Variants in CACNB4 observed in about 807,000 individuals in gnomAD.
CACNB4 encodes the protein voltage-dependent L-type calcium channel subunit beta-4.
A neutral mutation model predicts 71.2 loss-of-function variants in CACNB4; 32 were observed. That is an observed-to-expected ratio of 0.45 (90% CI 0.34 to 0.60). CACNB4 has a LOEUF of 0.60. CACNB4 is among the 20% of genes least tolerant of loss of function. The probability of loss-of-function intolerance (pLI) is 0.01; values close to 1 mark genes in which losing one functional copy is unlikely to be tolerated. For missense variants in CACNB4, 464 were observed against 647.9 expected (o/e 0.72, Z 3.08); for synonymous variants, 231 against 236.9 (o/e 0.97, Z 0.23).
At chr2:151,947,352 G>C (rs1249502365) in intron 2 of CACNB4, among the ~76,000 whole-genome samples, 1 of 152,116 alleles carries the variant, frequency 6.6e-6, no homozygotes, top group Non-Finnish European at 1.5e-5. Context: ...GAATCACGTG[G>C]GGTACTTATT....
chr2:151,895,074 T>C (rs1356280037), intron 2 of CACNB4, among the ~76,000 whole-genome samples: 1 of 146,612 alleles, frequency 6.8e-6, no homozygotes, highest in African/African-American at 2.6e-5. Context: ...AAAATTCATA[T>C]GGAACCAGAA....
chr2:151,983,329 T>C (rs1467158229), intron 2 of CACNB4, among the ~76,000 whole-genome samples: 3 of 152,216 alleles, frequency 2.0e-5, no homozygotes, highest in South Asian at 2.1e-4. Context: ...GGATTTTTGA[T>C]ATAATTTCTC....
At chr2:151,983,675 T>TCTCACACACACACACACACA (rs35313966) in intron 2 of CACNB4, among the ~76,000 whole-genome samples, 7 of 141,540 alleles carry the variant, frequency 4.9e-5, no homozygotes, top group Admixed American at 2.7e-4. Flanking sequence ...TAAACTTTGG[T>TCTCACACACACACACACACA]CACACACACA....
At chr2:151,853,380 G>GA in intron 12 of CACNB4, 68 bp downstream of exon 12, 1 of 840,920 alleles carries the variant, frequency 1.2e-6, no homozygotes, top group Middle Eastern at 2.2e-4. Flanking sequence ...ACAACAATAT[G>GA]AAGAAAAAAA....
chr2:151,991,106 T>C (rs13432920), intron 2 of CACNB4, among the ~76,000 whole-genome samples: 33,612 of 152,140 alleles, frequency 0.22, 3,892 homozygotes, highest in Middle Eastern at 0.41. Flanking sequence ...AGCCTGCTCC[T>C]GATGAAGCTC....
intron 2 of CACNB4, among the ~76,000 whole-genome samples, chr2:151,930,826 A>G (rs1263148650): frequency 6.6e-6 from 1 of 152,198 alleles, no homozygotes; most frequent in African/African-American, 2.4e-5. Context: ...TGTAATATTT[A>G]CATATAGTTC....
At chr2:152,075,157 C>T (rs185455023) in intron 2 of CACNB4, among the ~76,000 whole-genome samples, 21 of 152,280 alleles carry the variant, frequency 1.4e-4, no homozygotes, top group Non-Finnish European at 1.6e-4. Context: ...ATTCTGACAC[C>T]ATCCTACAAG....
At chr2:152,051,192 T>C in intron 2 of CACNB4, among the ~76,000 whole-genome samples, 1 of 152,168 alleles carries the variant, frequency 6.6e-6, no homozygotes, top group East Asian at 1.9e-4. Context: ...TCCTTTTCCT[T>C]GACCGCCCCC....
chr2:152,017,774 G>A (rs924378290), intron 2 of CACNB4, among the ~76,000 whole-genome samples: 1 of 151,624 alleles, frequency 6.6e-6, no homozygotes, highest in Non-Finnish European at 1.5e-5. Context: ...CTCATATACT[G>A]TATTCCTTAG....
At chr2:152,083,508 C>T (rs903516960) in intron 2 of CACNB4, among the ~76,000 whole-genome samples, 3 of 152,140 alleles carry the variant, frequency 2.0e-5, no homozygotes, top group African/African-American at 7.2e-5. Flanking sequence ...ACTGCTACCA[C>T]AATAACGGGT....
At chr2:151,932,301 A>G (rs1289824030) in intron 2 of CACNB4, among the ~76,000 whole-genome samples, 1 of 152,216 alleles carries the variant, frequency 6.6e-6, no homozygotes, top group Non-Finnish European at 1.5e-5. Flanking sequence ...GGAAGAAAGA[A>G]TCTGTGCCAG....
At chr2:151,951,301 A>G (rs76655590) in intron 2 of CACNB4, among the ~76,000 whole-genome samples, 1 of 151,936 alleles carries the variant, frequency 6.6e-6, no homozygotes, top group Non-Finnish European at 1.5e-5. Context: ...AAAAAAAAAA[A>G]CAACTAATAA....
intron 13 of CACNB4, 25 bp from the exon 14 acceptor site, chr2:151,839,404 A>G (rs779754184): frequency 1.3e-6 from 2 of 1,567,376 alleles, no homozygotes; most frequent in Non-Finnish European, 1.7e-6. Flanking sequence ...TAGTTCATTG[A>G]TTAAATAATG....
At chr2:152,007,482 G>C (rs762524321) in intron 2 of CACNB4, among the ~76,000 whole-genome samples, 19 of 152,144 alleles carry the variant, frequency 1.2e-4, no homozygotes, top group Non-Finnish European at 2.2e-4. Flanking sequence ...CTTCCTTTGG[G>C]GCCTGGCTTA....
intron 2 of CACNB4, among the ~76,000 whole-genome samples, chr2:152,032,714 T>G (rs1364718857): frequency 6.6e-6 from 1 of 152,118 alleles, no homozygotes; most frequent in Admixed American, 6.6e-5. Context: ...GCCTATAATC[T>G]CAGCACTTTG....
intron 2 of CACNB4, among the ~76,000 whole-genome samples, chr2:151,908,104 G>T (rs1248220054): frequency 5.3e-5 from 8 of 152,188 alleles, no homozygotes; most frequent in Admixed American, 5.2e-4. Flanking sequence ...CTCTGCTGCT[G>T]TCAAAGCCCA....
chr2:152,000,175 A>G (rs1428600725), intron 2 of CACNB4, among the ~76,000 whole-genome samples: 1 of 152,178 alleles, frequency 6.6e-6, no homozygotes, highest in Non-Finnish European at 1.5e-5. Context: ...CTCACTCTTC[A>G]GGGGCTTTCG....
chr2:152,025,896 T>A (rs1241175007), intron 2 of CACNB4, among the ~76,000 whole-genome samples: 2 of 152,212 alleles, frequency 1.3e-5, no homozygotes, highest in African/African-American at 2.4e-5. Context: ...GTGTTTGCAG[T>A]ATAGTAGAAA....
intron 2 of CACNB4, among the ~76,000 whole-genome samples, chr2:151,920,245 A>AATTTCTATTTCTATTGTAATAGGT (rs2099858616): frequency 6.6e-6 from 1 of 151,844 alleles, no homozygotes; most frequent in Non-Finnish European, 1.5e-5. Flanking sequence ...GGAATAGAAC[A>AATTTCTATTTCTATTGTAATAGGT]ATAGTAAAAT....
Sources: allele counts gnomAD v4.1 joint callset (sites outside exome capture counted in the v4.1 genomes callset), GRCh38; gene constraint gnomAD v4.1.1; transcripts MANE v1.5; gene names NCBI Gene and HGNC (gene_info 2026-07-23, HGNC 2026-07-21).